The following TCF12 variants were observed in gnomAD, a reference collection of about 807,000 sequenced individuals.
TCF12 encodes the protein transcription factor 12.
In TCF12, 45 loss-of-function variants were observed where a neutral mutation model predicts 86.0. That is an observed-to-expected ratio of 0.52 (90% CI 0.41 to 0.67). The LOEUF is 0.67. Among genes scored for constraint, TCF12 ranks in the 30% least tolerant of loss-of-function variants. The pLI is 0.00. For missense variants in TCF12, 881 were observed against 859.9 expected (o/e 1.02, Z -0.31); for synonymous variants, 330 against 299.6 (o/e 1.10, Z -1.05).
At chr15:56,949,464 C>T (rs950834277) in intron 3 of TCF12, among the ~76,000 whole-genome samples, 1 of 152,172 alleles carries the variant, frequency 6.6e-6, no homozygotes, top group African/African-American at 2.4e-5. Context: ...GCTTGAAACT[C>T]AGTTATGTAT....
At chr15:57,247,759 TG>T (rs1388082862) in intron 13 of TCF12, 2 of 739,172 alleles carry the variant, frequency 2.7e-6, no homozygotes, top group East Asian at 4.9e-5. Flanking sequence ...CAGCCTTGTG[TG>T]GTCTAGCACA....
chr15:57,007,852 C>CCCTCCCTTCCTT (rs1265094460), intron 3 of TCF12, among the ~76,000 whole-genome samples: 4 of 101,250 alleles, frequency 4.0e-5, no homozygotes, highest in South Asian at 4.5e-4. Context: ...CTCTTTCCCT[C>CCCTCCCTTCCTT]CCTTCCTTCC....
chr15:57,253,224 C>T (rs773990503), intron 15 of TCF12, 38 bp from the exon 16 acceptor site: 3 of 1,607,090 alleles, frequency 1.9e-6, no homozygotes, highest in Admixed American at 1.7e-5. Flanking sequence ...TAACAGATGC[C>T]AGCAATAACC....
chr15:56,956,093 T>C (rs2061495441), intron 3 of TCF12, among the ~76,000 whole-genome samples: 1 of 152,060 alleles, frequency 6.6e-6, no homozygotes, highest in Admixed American at 6.6e-5. Context: ...TTTTCTTGTT[T>C]TTACATTTAA....
chr15:56,997,412 T>G (rs2063772712), intron 3 of TCF12, among the ~76,000 whole-genome samples: 1 of 152,168 alleles, frequency 6.6e-6, no homozygotes, highest in Non-Finnish European at 1.5e-5. Context: ...AAGTGAGAGC[T>G]AAATATTGGG....
At chr15:57,171,606 T>C (rs988617960) in intron 6 of TCF12, among the ~76,000 whole-genome samples, 5 of 152,238 alleles carry the variant, frequency 3.3e-5, no homozygotes, top group African/African-American at 7.2e-5. Flanking sequence ...AATTTAATAA[T>C]GCCTGATGGG....
chr15:57,243,072 G>T (rs1285009263), intron 12 of TCF12, among the ~76,000 whole-genome samples: 2 of 152,116 alleles, frequency 1.3e-5, no homozygotes, highest in African/African-American at 2.4e-5. Flanking sequence ...TGTCCATAAA[G>T]ACCATTCTAA....
intron 5 of TCF12, among the ~76,000 whole-genome samples, chr15:57,106,354 T>C (rs969621158): frequency 6.6e-6 from 1 of 152,204 alleles, no homozygotes; most frequent in African/African-American, 2.4e-5. Flanking sequence ...GGATGAAAAG[T>C]ACATGGGAAT....
In TCF12 at chr15:57,140,107, G is replaced by A. The variant is rs531083783; in HGVS notation, c.326-26295G>A. On this transcript the variant is annotated intron_variant, in intron 5 of 20. Coordinates refer to ENST00000333725, the MANE Select transcript of TCF12 (RefSeq NM_207037.2). Reference sequence around the variant, plus strand: ...CTGAAAGAGACATTTGTACACCTATGTTCATATCAGCATTATTCCCAGTTA... The same window carrying A: ...CTGAAAGAGACATTTGTACACCTATATTCATATCAGCATTATTCCCAGTTA... Among the ~76,000 whole-genome samples, 3 of 152,224 alleles carry A rather than the reference G, an allele frequency of 2.0e-5. No homozygotes were observed. The South Asian group carries it at 6.2e-4, about 32-fold the overall frequency.
downstream of TCF12, chr15:57,291,198 G>T (rs1191327311): frequency 6.6e-6 from 1 of 152,112 alleles, no homozygotes; most frequent in East Asian, 1.9e-4. Context: ...GATGCTCATG[G>T]CCTTTATATA....
At chr15:57,247,683 G>A (rs1597612009) in intron 13 of TCF12, 1 of 751,756 alleles carries the variant, frequency 1.3e-6, no homozygotes, top group East Asian at 2.4e-5. Flanking sequence ...CTCACTGTTA[G>A]ATGGGCACCA....
At chr15:57,225,980 T>TAGG (rs1227555812) in intron 8 of TCF12, among the ~76,000 whole-genome samples, 1 of 151,804 alleles carries the variant, frequency 6.6e-6, no homozygotes, top group Non-Finnish European at 1.5e-5. Context: ...CATTTAACAT[T>TAGG]AGGTATATCT....
At chr15:56,940,619 T>C in intron 3 of TCF12, among the ~76,000 whole-genome samples, 1 of 142,488 alleles carries the variant, frequency 7.0e-6, no homozygotes, top group South Asian at 2.4e-4. Context: ...TTCTTCTCCC[T>C]CTCCTCCTTC....
At chr15:56,949,448 A>G (rs1023165824) in intron 3 of TCF12, among the ~76,000 whole-genome samples, 1 of 152,238 alleles carries the variant, frequency 6.6e-6, no homozygotes, top group Non-Finnish European at 1.5e-5. Flanking sequence ...TGCAAAAAGG[A>G]AAAAGGCTTG....
At chr15:56,940,283 G>A (rs2060673259) in intron 3 of TCF12, among the ~76,000 whole-genome samples, 1 of 151,988 alleles carries the variant, frequency 6.6e-6, no homozygotes, top group African/African-American at 2.4e-5. Flanking sequence ...TCATTTTCCT[G>A]GTCAATTTGT....
At chr15:57,062,162 T>C (rs2703578) in intron 3 of TCF12, among the ~76,000 whole-genome samples, 4,664 of 152,156 alleles carry the variant, frequency 0.031, 233 homozygotes, top group African/African-American at 0.1. Context: ...TTCTCCGTAT[T>C]AGCCAGGATG....
At chr15:57,135,486 A>G (rs1446673089) in intron 5 of TCF12, among the ~76,000 whole-genome samples, 1 of 152,120 alleles carries the variant, frequency 6.6e-6, no homozygotes, top group African/African-American at 2.4e-5. Context: ...TCCTCTCAAG[A>G]TTAGAAAGTT....
chr15:57,190,169 A>G (rs1203342147), intron 6 of TCF12, among the ~76,000 whole-genome samples: 3 of 152,232 alleles, frequency 2.0e-5, no homozygotes, highest in African/African-American at 7.2e-5. Flanking sequence ...ATGGTTGAAC[A>G]ACATTTTGAA....
chr15:57,261,599 A>G (rs1295178669), intron 16 of TCF12, among the ~76,000 whole-genome samples: 1 of 152,178 alleles, frequency 6.6e-6, no homozygotes, highest in Non-Finnish European at 1.5e-5. Context: ...TACTATTCTA[A>G]TAAAAACTTC....
Sources: allele counts gnomAD v4.1 joint callset (sites outside exome capture counted in the v4.1 genomes callset), GRCh38; gene constraint gnomAD v4.1.1; transcripts MANE v1.5; gene names NCBI Gene and HGNC (gene_info 2026-07-23, HGNC 2026-07-21).